SLC17A1: variants seen among roughly 807,000 people sequenced by gnomAD.
SLC17A1 encodes the protein sodium-dependent phosphate transport protein 1.
Under a neutral mutation model 53.5 loss-of-function variants are expected in SLC17A1, and 51 were observed. The observed-to-expected ratio is 0.95, with a 90% CI of 0.76 to 1.20. The LOEUF is 1.20. Among genes scored for constraint, SLC17A1 ranks in the 50% most tolerant of loss-of-function variants. SLC17A1 has a pLI of 0.00. For synonymous variants in SLC17A1, 179 were observed against 198.8 expected, an observed-to-expected ratio of 0.90 and a Z score of 0.84; for missense variants, 538 against 568.2, an observed-to-expected ratio of 0.95 and a Z score of 0.54.
intron 12 of SLC17A1, among the ~76,000 whole-genome samples, chr6:25,783,524 T>C (rs1262312205): frequency 1.3e-5 from 2 of 152,182 alleles, no homozygotes; most frequent in African/African-American, 4.8e-5. Context: ...TCCAGGTACA[T>C]GGTATGAAAC....
At chr6:25,815,554 G>A (rs1764321511) in intron 6 of SLC17A1, among the ~76,000 whole-genome samples, 1 of 152,008 alleles carries the variant, frequency 6.6e-6, no homozygotes, top group Middle Eastern at 3.4e-3. Context: ...TAGCCCTTCA[G>A]AAATGCAAAT....
chr6:25,812,463 AG>A (rs1764190417), intron 8 of SLC17A1, among the ~76,000 whole-genome samples: 1 of 152,196 alleles, frequency 6.6e-6, no homozygotes, highest in Non-Finnish European at 1.5e-5. Context: ...GATTGGTAAA[AG>A]CTTGGCAGAG....
the SLC17A1 span, among the ~76,000 whole-genome samples, chr6:25,776,020 A>G: frequency 6.6e-6 from 1 of 152,170 alleles, no homozygotes. Flanking sequence ...AAATTTCTGC[A>G]TATGAGATTA....
Position 25,826,573 on chromosome 6 carries a change from A to G in SLC17A1, c.95T>C (p.Ile32Thr), listed in dbSNP as rs773241735. Reference sequence around the variant, plus strand: ...CAGGCACGCACGCTGTGCTGTTATTATAACATTACAACAGTGCACAAGGAA... The same window carrying G: ...CAGGCACGCACGCTGTGCTGTTATTGTAACATTACAACAGTGCACAAGGAA... ...LSFLVHCCNV[I>T]ITAQRACLNL... Residue 32 changes from isoleucine to threonine, a missense_variant, in exon 3 of 13, where the codon ATA becomes ACA. Coordinates refer to ENST00000244527, the MANE Select transcript of SLC17A1 (RefSeq NM_005074.5). The G allele has an allele frequency of 1.2e-6, 2 of 1,611,666 alleles. No homozygotes were observed. The highest frequency in any genetic ancestry group is 2.7e-5 in the African/African-American group (2 of 74,772).
intron 5 of SLC17A1, 102 bp from the exon 6 acceptor site, chr6:25,819,256 T>C: frequency 1.3e-6 from 1 of 785,254 alleles, no homozygotes; most frequent in Non-Finnish European, 2.0e-6. Context: ...GTGAAACAAA[T>C]TTGTGTATCA....
chr6:25,746,349 A>G, the SLC17A1 span, among the ~76,000 whole-genome samples: 1 of 146,306 alleles, frequency 6.8e-6, no homozygotes, highest in Non-Finnish European at 1.5e-5. Context: ...ATTCCAGTAT[A>G]ACATTTATAA....
chr6:25,812,039 A>G (rs1764176581), intron 8 of SLC17A1, among the ~76,000 whole-genome samples: 1 of 152,190 alleles, frequency 6.6e-6, no homozygotes, highest in Admixed American at 6.5e-5. Flanking sequence ...GAGGAGGAAG[A>G]CTACATTGGG....
At chr6:25,795,760 C>T (rs182173556) in intron 12 of SLC17A1, among the ~76,000 whole-genome samples, 1 of 126,240 alleles carries the variant, frequency 7.9e-6, no homozygotes, top group Admixed American at 7.9e-5. Flanking sequence ...CACACCCACA[C>T]CCACAATTTA....
the SLC17A1 span, among the ~76,000 whole-genome samples, chr6:25,759,902 T>C: frequency 1.0e-3 from 154 of 152,358 alleles, no homozygotes; most frequent in Middle Eastern, 3.4e-3. Flanking sequence ...CATTTAACTA[T>C]GCAAATATTA....
chr6:25,751,993 G>A, the SLC17A1 span, among the ~76,000 whole-genome samples: 2 of 152,210 alleles, frequency 1.3e-5, no homozygotes, highest in Admixed American at 6.5e-5. Context: ...ACAAGCTAGG[G>A]CACAGAAATT....
chr6:25,732,353 A>G, the SLC17A1 span: 1 of 263,892 alleles, frequency 3.8e-6, no homozygotes, highest in Non-Finnish European at 7.3e-6. Flanking sequence ...CCAATCAATC[A>G]GATAATCCAC....
At chr6:25,801,618 C>T (rs903076174) in intron 10 of SLC17A1, among the ~76,000 whole-genome samples, 12 of 152,142 alleles carry the variant, frequency 7.9e-5, no homozygotes, top group Non-Finnish European at 1.5e-4. Flanking sequence ...GCTGGGAGTC[C>T]GTTTTTCCTG....
chr6:25,815,032 A>C (rs928544453), intron 6 of SLC17A1, among the ~76,000 whole-genome samples: 4 of 146,538 alleles, frequency 2.7e-5, no homozygotes, highest in African/African-American at 7.7e-5. Context: ...CACACACACA[A>C]AGAATGAAAT....
intron 3 of SLC17A1, among the ~76,000 whole-genome samples, chr6:25,820,983 G>A (rs549239565): frequency 1.3e-5 from 2 of 151,674 alleles, no homozygotes; most frequent in Non-Finnish European, 2.9e-5. Context: ...GGTTGCACAA[G>A]TTTTTGGACC....
chr6:25,760,767 T>C, the SLC17A1 span, among the ~76,000 whole-genome samples: 5 of 152,214 alleles, frequency 3.3e-5, no homozygotes, highest in Admixed American at 2.0e-4. Flanking sequence ...CAAATTTTAA[T>C]GCCTAATTTT....
At chr6:25,810,161 T>C (rs1028128867) in intron 10 of SLC17A1, among the ~76,000 whole-genome samples, 1 of 152,016 alleles carries the variant, frequency 6.6e-6, no homozygotes, top group African/African-American at 2.4e-5. Flanking sequence ...GTAAAACTAC[T>C]AGAAGAAAAC....
chr6:25,724,864 CTTAT>C, the SLC17A1 span, among the ~76,000 whole-genome samples: 1 of 131,260 alleles, frequency 7.6e-6, no homozygotes, highest in South Asian at 2.8e-4. Flanking sequence ...AACTGCATCC[CTTAT>C]TTATTATGTA....
the SLC17A1 span, among the ~76,000 whole-genome samples, chr6:25,752,464 G>A: frequency 6.6e-6 from 1 of 152,306 alleles, no homozygotes. Flanking sequence ...CCCAGGACAT[G>A]CCTGTACACT....
chr6:25,819,932 G>A lies in SLC17A1; in HGVS notation c.208-17C>T, dbSNP rs1040331109. On this transcript the variant is annotated splice_polypyrimidine_tract_variant and intron_variant, in intron 3 of 12. Coordinates refer to ENST00000244527, the MANE Select transcript of SLC17A1 (RefSeq NM_005074.5). ...CATAGGGTTCTAAAAGACAAGGGGGGACATGTCGAATCACTCTGCATATCA... is the reference window on the plus strand; with the variant it reads ...CATAGGGTTCTAAAAGACAAGGGGGAACATGTCGAATCACTCTGCATATCA... 4 of 1,524,920 alleles carry A rather than the reference G, an allele frequency of 2.6e-6. No homozygotes were observed. The highest frequency in any genetic ancestry group is 3.6e-6 in the Non-Finnish European group (4 of 1,110,836). 94.5% of individuals were successfully genotyped at this position (1,524,920 alleles called of 1,614,324 possible). A position where few individuals can be genotyped will look rare whatever the true frequency, so the allele number is the denominator to read the frequency against.
Sources: allele counts gnomAD v4.1 joint callset (sites outside exome capture counted in the v4.1 genomes callset), GRCh38; gene constraint gnomAD v4.1.1; transcripts MANE v1.5; gene names NCBI Gene and HGNC (gene_info 2026-07-23, HGNC 2026-07-21).